SPON1: variants seen among roughly 807,000 people sequenced by gnomAD.
SPON1 encodes spondin 1.
A neutral mutation model predicts 111.7 loss-of-function variants in SPON1; 52 were observed. The observed-to-expected ratio is 0.47, with a 90% CI of 0.37 to 0.59. The LOEUF (loss-of-function observed/expected upper bound fraction) is 0.59, where lower values mean the gene tolerates loss of function less well. SPON1 is among the 20% of genes least tolerant of loss of function. The pLI, the probability that SPON1 is intolerant of heterozygous loss-of-function variation, is 0.00. For missense variants in SPON1, 957 were observed against 1,068.5 expected (o/e 0.90, Z 1.46); for synonymous variants, 410 against 395.8 (o/e 1.04, Z -0.43).
At chr11:13,992,131 C>G (rs1554911280) in intron 2 of SPON1, among the ~76,000 whole-genome samples, 2 of 152,198 alleles carry the variant, frequency 1.3e-5, no homozygotes, top group African/African-American at 2.4e-5. Context: ...TCAGGCAGGG[C>G]CTTTTAAGTC....
intron 5 of SPON1, among the ~76,000 whole-genome samples, chr11:14,123,109 A>AT (rs2133854725): frequency 6.6e-6 from 1 of 151,784 alleles, no homozygotes; most frequent in Admixed American, 6.6e-5. Context: ...TTTTAAAAAA[A>AT]TTTTGTAGAG....
chr11:14,017,758 T>C (rs1370983381), intron 2 of SPON1, among the ~76,000 whole-genome samples: 4 of 152,208 alleles, frequency 2.6e-5, no homozygotes, highest in Non-Finnish European at 4.4e-5. Context: ...TCACCAAAAC[T>C]CTGCTTACTA....
At chr11:14,061,626 A>T (rs1848791509) in intron 3 of SPON1, among the ~76,000 whole-genome samples, 1 of 152,238 alleles carries the variant, frequency 6.6e-6, no homozygotes, top group Admixed American at 6.5e-5. Flanking sequence ...ATGGTATCAG[A>T]CTATTTAATG....
chr11:13,996,924 T>C (rs1425651603), intron 2 of SPON1, among the ~76,000 whole-genome samples: 4 of 152,214 alleles, frequency 2.6e-5, no homozygotes, highest in African/African-American at 9.6e-5. Flanking sequence ...GATTCCTCTA[T>C]TATTGGCAAG....
At position 14,156,660 on chromosome 11, in the gene SPON1, G is replaced by T. The variant is rs998125960; in HGVS notation, c.825+21092G>T. ...ATGTAAGTCTTTAATCCATCTTGAA[G>T]TAATTTTTGTCTAAGGTGTAAGGAA... On this transcript the variant is annotated intron_variant, in intron 6 of 15. Coordinates refer to ENST00000576479, the MANE Select transcript of SPON1 (RefSeq NM_006108.4). 3.9e-4 allele frequency among the ~76,000 whole-genome samples: 59 copies of T among 152,176 alleles called. No homozygotes were observed. In the South Asian group the frequency reaches 0.01, roughly 27 times the overall value.
intron 9 of SPON1, 88 bp from the exon 10 acceptor site, chr11:14,256,529 C>A: frequency 1.2e-6 from 1 of 858,150 alleles, no homozygotes. Context: ...TACAGAATGG[C>A]GATTAGATTT....
At chr11:14,038,461 T>C (rs1202971557) in intron 2 of SPON1, among the ~76,000 whole-genome samples, 2 of 151,754 alleles carry the variant, frequency 1.3e-5, no homozygotes, top group African/African-American at 4.8e-5. Context: ...AGAATGAGAC[T>C]CCATCTCAAA....
chr11:14,068,215 T>C (rs1323279497), intron 3 of SPON1, among the ~76,000 whole-genome samples: 1 of 152,176 alleles, frequency 6.6e-6, no homozygotes, highest in Non-Finnish European at 1.5e-5. Flanking sequence ...AGTTGAACAA[T>C]ATGAGAGAAA....
At chr11:14,047,612 G>T (rs1052632802) in intron 3 of SPON1, among the ~76,000 whole-genome samples, 1 of 152,086 alleles carries the variant, frequency 6.6e-6, no homozygotes, top group Non-Finnish European at 1.5e-5. Flanking sequence ...GATGAATGAG[G>T]AATGGAAAAA....
intron 2 of SPON1, among the ~76,000 whole-genome samples, chr11:13,996,944 T>C (rs1020814705): frequency 3.3e-5 from 5 of 152,208 alleles, no homozygotes; most frequent in Admixed American, 6.5e-5. Flanking sequence ...GATAGGTGGT[T>C]CTAATTTTCT....
intron 6 of SPON1, among the ~76,000 whole-genome samples, chr11:14,183,174 G>A (rs1186686925): frequency 1.3e-5 from 2 of 152,182 alleles, no homozygotes; most frequent in East Asian, 1.9e-4. Context: ...ACATTAAGGT[G>A]TTTGTGCAGA....
intron 6 of SPON1, among the ~76,000 whole-genome samples, chr11:14,229,813 C>T (rs778752682): frequency 1.3e-5 from 2 of 152,136 alleles, no homozygotes; most frequent in Non-Finnish European, 2.9e-5. Flanking sequence ...TCCACCATAC[C>T]GCTCTTCAAT....
At chr11:14,231,372 A>G (rs977512005) in intron 6 of SPON1, among the ~76,000 whole-genome samples, 1 of 150,778 alleles carries the variant, frequency 6.6e-6, no homozygotes, top group African/African-American at 2.4e-5. Flanking sequence ...TGACCGCGTG[A>G]TCCACCTGCC....
chr11:14,152,345 T>C (rs1554929988), intron 6 of SPON1, among the ~76,000 whole-genome samples: 1 of 152,206 alleles, frequency 6.6e-6, no homozygotes, highest in African/African-American at 2.4e-5. Context: ...TTAATTTATC[T>C]TCTATTCAAA....
intron 5 of SPON1, among the ~76,000 whole-genome samples, chr11:14,126,694 G>A (rs562190727): frequency 6.6e-6 from 1 of 152,128 alleles, no homozygotes; most frequent in Non-Finnish European, 1.5e-5. Flanking sequence ...ATAGTCTGCC[G>A]CTTCCCCCTA....
At chr11:14,169,622 A>G (rs1268684977) in intron 6 of SPON1, among the ~76,000 whole-genome samples, 2 of 151,530 alleles carry the variant, frequency 1.3e-5, no homozygotes, top group African/African-American at 4.9e-5. Flanking sequence ...TAGGGTTTTT[A>G]TGGTTTTAGG....
At chr11:14,076,444 G>A (rs1848918768) in intron 4 of SPON1, among the ~76,000 whole-genome samples, 1 of 152,162 alleles carries the variant, frequency 6.6e-6, no homozygotes, top group Admixed American at 6.5e-5. Flanking sequence ...TTTGCTACGT[G>A]CCAATAACTA....
intron 6 of SPON1, among the ~76,000 whole-genome samples, chr11:14,146,422 T>C (rs1245306219): frequency 2.6e-5 from 4 of 152,136 alleles, no homozygotes; most frequent in African/African-American, 9.7e-5. Flanking sequence ...AGTTCTGGGA[T>C]TACAGGCGTG....
chr11:14,038,118 A>T (rs530566016), intron 2 of SPON1, among the ~76,000 whole-genome samples: 1 of 76,140 alleles, frequency 1.3e-5, no homozygotes, highest in African/African-American at 3.1e-5. Context: ...GTGAGCCGAG[A>T]TCGTGCCACT....
Sources: gnomAD v4.1 joint callset for allele counts (sites outside exome capture counted in the v4.1 genomes callset) on GRCh38, gnomAD v4.1.1 for gene constraint, MANE v1.5 for transcripts, NCBI Gene and HGNC (gene_info 2026-07-23, HGNC 2026-07-21) for gene names.